CSNK2A2: variants seen among roughly 807,000 people sequenced by gnomAD.
CSNK2A2 encodes casein kinase 2 alpha 2.
In CSNK2A2, 8 loss-of-function variants were observed where a neutral mutation model predicts 54.0. That is an observed-to-expected ratio of 0.15 (90% CI 0.09 to 0.27). CSNK2A2 has a LOEUF of 0.27. CSNK2A2 is among the 10% of genes least tolerant of loss of function. CSNK2A2 has a pLI of 1.00. For missense variants in CSNK2A2, 242 were observed against 439.4 expected, an observed-to-expected ratio of 0.55 and a Z score of 4.02; for synonymous variants, 141 against 153.9, an observed-to-expected ratio of 0.92 and a Z score of 0.62.
In CSNK2A2 at chr16:58,197,624, C is replaced by T. The variant is rs1447371923; in HGVS notation, c.104+9G>A. ...CAGCGGGCCCGGCGGGGGGCGGCGACGGCTTTACCCCCAGCTCGGGACGTG... is the reference window on the plus strand; with the variant it reads ...CAGCGGGCCCGGCGGGGGGCGGCGATGGCTTTACCCCCAGCTCGGGACGTG... On this transcript the variant is annotated intron_variant, in intron 1 of 11. Transcript: ENST00000262506. This position sits in a 1 kb window ranked among gnomAD's most constrained non-coding sequence, Gnocchi z 4.0. 3 of 1,546,382 alleles carry T rather than the reference C, an allele frequency of 1.9e-6. No homozygotes were observed. Among genetic ancestry groups the T allele is most frequent in the East Asian group, 2.5e-5 (1 of 39,658 alleles).
In CSNK2A2 at chr16:58,190,227, A is replaced by AT. The variant is rs904269392; in HGVS notation, c.217-3372dup. 1.4e-4 allele frequency among the ~76,000 whole-genome samples: 22 copies of AT among 152,170 alleles called. No homozygotes were observed. The South Asian group carries it at 4.2e-3, about 29-fold the overall frequency. Reference sequence around the variant, plus strand: ...AGCTATTGTCCAAACCAATAAAAAAATTTTTTTTTAACTTGAAATCTAGTA... The same window carrying AT: ...AGCTATTGTCCAAACCAATAAAAAAATTTTTTTTTTAACTTGAAATCTAGTA... On this transcript the variant is annotated intron_variant, in intron 2 of 11. Coordinates refer to ENST00000262506, the MANE Select transcript of CSNK2A2 (RefSeq NM_001896.4).
chr16:58,193,655 T>C (rs1382153047), intron 2 of CSNK2A2, among the ~76,000 whole-genome samples: 2 of 152,210 alleles, frequency 1.3e-5, no homozygotes, highest in African/African-American at 2.4e-5. Flanking sequence ...ATGCTAAAAG[T>C]TGTCAAAGGT....
intron 2 of CSNK2A2, among the ~76,000 whole-genome samples, chr16:58,191,706 C>T (rs1962325907): frequency 6.6e-6 from 1 of 152,086 alleles, no homozygotes; most frequent in African/African-American, 2.4e-5. Flanking sequence ...AAAGGCAAGG[C>T]ATAGAGCAGA....
Position 58,165,553 on chromosome 16 carries a change from G to A in CSNK2A2, c.976+7C>T, listed in dbSNP as rs1257600339. On this transcript the variant is annotated splice_region_variant and intron_variant, in intron 10 of 11. Coordinates refer to ENST00000262506, the MANE Select transcript of CSNK2A2 (RefSeq NM_001896.4). ...TTACTCCCTGAACACAGTCCCTGGA[G>A]ACTCACAGAAGTATGGGTGCTCCAT... The A allele has an allele frequency of 2.0e-5, 32 of 1,607,248 alleles. No individual in the cohort carries two copies. Among genetic ancestry groups the A allele is most frequent in the Non-Finnish European group, 2.7e-5 (32 of 1,177,866 alleles).
intron 6 of CSNK2A2, 61 bp from the exon 7 acceptor site, chr16:58,167,856 AC>A: frequency 8.2e-7 from 1 of 1,214,432 alleles, no homozygotes; most frequent in Non-Finnish European, 1.2e-6. Context: ...ATGCCTTAGA[AC>A]AAGGCCACAT....
At position 58,197,362 on chromosome 16, in the gene CSNK2A2, C is replaced by T. The variant is rs74019837; in HGVS notation, c.104+271G>A. ...GAAGGGCAGCTCCCTCACTTCCACC[C>T]GGCGTCGATCCCTGGACCCCACACT... On this transcript the variant is annotated intron_variant, in intron 1 of 11. Coordinates refer to ENST00000262506, the MANE Select transcript of CSNK2A2 (RefSeq NM_001896.4). The surrounding 1 kb of genome is among the most constrained non-coding windows in gnomAD (Gnocchi z 4.0). Among the ~76,000 whole-genome samples the T allele has an allele frequency of 0.07, 10,700 of 152,300 alleles. 477 individuals are homozygous for T. The highest frequency in any genetic ancestry group is 0.21 in the South Asian group (988 of 4,816).
At chr16:58,185,438 T>C (rs952938146) in intron 3 of CSNK2A2, among the ~76,000 whole-genome samples, 4 of 152,194 alleles carry the variant, frequency 2.6e-5, no homozygotes, top group African/African-American at 7.2e-5. Flanking sequence ...TTACATATCA[T>C]GTAAAACATA....
At chr16:58,183,727 C>T (rs1012447181) in intron 4 of CSNK2A2, among the ~76,000 whole-genome samples, 3 of 151,962 alleles carry the variant, frequency 2.0e-5, no homozygotes, top group Non-Finnish European at 4.4e-5. Context: ...TTAAAAAGAA[C>T]ACTTCAATGT....
rs1458789378 is a variant in CSNK2A2, at chr16:58,197,179, C to G, written c.105-335G>C. 1 of 329,444 alleles carries G rather than the reference C, an allele frequency of 3.0e-6. No homozygotes were observed. The highest frequency in any genetic ancestry group is 5.7e-6 in the Non-Finnish European group (1 of 173,938). The allele number at this position is 329,444 out of a possible 1,614,324, so 20.4% of individuals were successfully genotyped here. A position where few individuals can be genotyped will look rare whatever the true frequency, so the allele number is the denominator to read the frequency against. On this transcript the variant is annotated intron_variant, in intron 1 of 11. Transcript: ENST00000262506. The surrounding 1 kb of genome is among the most constrained non-coding windows in gnomAD (Gnocchi z 4.0). ...TCCCCAGCACCTGCTTCTCGTTTCA[C>G]ATCTTCAAGGTAGACAATGCCTGTT...
chr16:58,193,319 C>G (rs913223078), intron 2 of CSNK2A2, among the ~76,000 whole-genome samples: 15 of 152,200 alleles, frequency 9.9e-5, no homozygotes, highest in Non-Finnish European at 1.6e-4. Flanking sequence ...CCTTTTAACA[C>G]TACCTACTGA....
intron 2 of CSNK2A2, among the ~76,000 whole-genome samples, chr16:58,189,238 G>A (rs950652601): frequency 1.3e-5 from 2 of 152,210 alleles, no homozygotes; most frequent in African/African-American, 4.8e-5. Context: ...TTACAGGCAT[G>A]AGCAACTGCG....
intron 2 of CSNK2A2, among the ~76,000 whole-genome samples, chr16:58,196,299 G>T (rs1962442755): frequency 6.6e-6 from 1 of 152,168 alleles, no homozygotes; most frequent in African/African-American, 2.4e-5. Context: ...AGTAATGAAG[G>T]GACATCAGAT....
intron 4 of CSNK2A2, among the ~76,000 whole-genome samples, chr16:58,183,999 T>C (rs1377323961): frequency 6.6e-6 from 1 of 152,154 alleles, no homozygotes; most frequent in African/African-American, 2.4e-5. Flanking sequence ...AACAGGAGTG[T>C]TACAGATGAG....
At chr16:58,182,851 C>T (rs917807931) in intron 4 of CSNK2A2, among the ~76,000 whole-genome samples, 41 of 152,148 alleles carry the variant, frequency 2.7e-4, no homozygotes, top group African/African-American at 9.2e-4. Flanking sequence ...ACCAGCTAAG[C>T]GCTGTTATGC....
chr16:58,197,002 C>T lies in CSNK2A2; in HGVS notation c.105-158G>A, dbSNP rs1008727658. 3 of 643,090 alleles carry T rather than the reference C, an allele frequency of 4.7e-6. No individual in the cohort carries two copies. In the Admixed American group the frequency reaches 6.6e-5, roughly 14 times the overall value. The allele number at this position is 643,090 out of a possible 1,614,324, so 39.8% of individuals were successfully genotyped here. A position where few individuals can be genotyped will look rare whatever the true frequency, so the allele number is the denominator to read the frequency against. On this transcript the variant is annotated intron_variant, in intron 1 of 11. Transcript: ENST00000262506. This position sits in a 1 kb window ranked among gnomAD's most constrained non-coding sequence, Gnocchi z 4.0. Reference sequence around the variant, plus strand: ...CCCTAAATGAAAGCCACGACATAATCTTGGCTCCCTTCACTCTGCAGAGCT... The same window carrying T: ...CCCTAAATGAAAGCCACGACATAATTTTGGCTCCCTTCACTCTGCAGAGCT...
rs931638195 is a variant in CSNK2A2 at position 58,174,589 on chromosome 16, G to A, written c.370-79C>T. On this transcript the variant is annotated intron_variant, in intron 4 of 11. Coordinates refer to ENST00000262506, the MANE Select transcript of CSNK2A2 (RefSeq NM_001896.4). Reference sequence around the variant, plus strand: ...ATCCTAAGTGCAGGCCATTCTCTAAGCTTATTTGATACTTAAGTGACTAAG... The same window carrying A: ...ATCCTAAGTGCAGGCCATTCTCTAAACTTATTTGATACTTAAGTGACTAAG... 3.5e-6 allele frequency: 4 copies of A among 1,136,160 alleles called. No individual in the cohort carries two copies. The African/African-American group carries it at 6.3e-5, about 18-fold the overall frequency. The allele number at this position is 1,136,160 out of a possible 1,614,324, so 70.4% of individuals were successfully genotyped here.
intron 4 of CSNK2A2, among the ~76,000 whole-genome samples, chr16:58,175,899 C>G (rs1228424903): frequency 6.6e-6 from 1 of 152,206 alleles, no homozygotes; most frequent in Non-Finnish European, 1.5e-5. Context: ...CTGGCTACAG[C>G]TGACCCCCAT....
intron 11 of CSNK2A2, 39 bp downstream of exon 11, chr16:58,164,015 G>A: frequency 6.8e-7 from 1 of 1,478,122 alleles, no homozygotes. Context: ...TTTGTGTTTG[G>A]TTGGTTGGTT....
Position 58,197,680 on chromosome 16 carries a change from C to G in CSNK2A2, c.57G>C (p.Leu19=), listed in dbSNP as rs912871180. 1 of 1,574,728 alleles carries G rather than the reference C, an allele frequency of 6.4e-7. No individual in the cohort carries two copies. Residue 19 remains leucine (L), a synonymous_variant, in exon 1 of 12, where the codon CTG becomes CTC. Coordinates refer to ENST00000262506, the MANE Select transcript of CSNK2A2 (RefSeq NM_001896.4). This position sits in a 1 kb window ranked among gnomAD's most constrained non-coding sequence, Gnocchi z 4.0. ...RARVYAEVNS[L]RSREYWDYEA... The stretch of plus-strand genomic sequence containing the variant: ...CGTAGTCCCAGTACTCGCGGCTCCT[C>G]AGACTGTTCACCTCGGCGTAGACCC...
Sources: gnomAD v4.1 joint callset for allele counts (sites outside exome capture counted in the v4.1 genomes callset) on GRCh38, gnomAD v4.1.1 for gene constraint, Gnocchi (gnomAD v3.1) non-coding constraint, MANE v1.5 for transcripts, NCBI Gene and HGNC (gene_info 2026-07-23, HGNC 2026-07-21) for gene names.